The following HSPA8 variants were observed in gnomAD, a reference collection of about 807,000 sequenced individuals.
HSPA8 encodes heat shock cognate 71 kDa protein.
HSPA8 carries 2 observed loss-of-function variants against 52.8 expected under a neutral mutation model. The observed-to-expected ratio is 0.04, with a 90% CI of 0.02 to 0.12. HSPA8 has a LOEUF of 0.12. Ranked by LOEUF, HSPA8 falls within the 10% of genes least tolerant of loss-of-function variation. HSPA8 has a pLI of 1.00. For synonymous variants in HSPA8, 436 were observed against 274.0 expected (o/e 1.59, Z -5.84); for missense variants, 349 against 800.5 (o/e 0.44, Z 6.81).
In HSPA8 at chr11:123,058,238, A is replaced by AAC. The variant is rs1865374505; in HGVS notation, c.1755+13_1755+14insGT. On this transcript the variant is annotated intron_variant, in intron 8 of 8. Coordinates refer to ENST00000534624, the MANE Select transcript of HSPA8 (RefSeq NM_006597.6). ...TTGAGTGGGGGAGGAAAAAAAAAAA[A>AAC]AAAAAACACAAACCTGATTCTTATC... is the stretch of plus-strand genomic sequence containing the variant. The AAC allele has an allele frequency of 7.3e-6, 11 of 1,506,204 alleles. No homozygotes were observed. The highest frequency in any genetic ancestry group is 2.3e-5 in the East Asian group (1 of 44,326). 93.3% of individuals were successfully genotyped at this position (1,506,204 alleles called of 1,614,324 possible).
Position 123,060,110 on chromosome 11 carries a change from ACATACCTTTTTGT to A in HSPA8, c.557_564+5del. ...AATCCGAACTTGCATCACAAATGGT[ACATACCTTTTTGT>A]CTAAGCCGTAAGCAATAGCAGCAGC... On this transcript the variant is annotated splice_donor_variant and splice_donor_5th_base_variant and coding_sequence_variant and intron_variant, in exon 4 of 9. Coordinates refer to ENST00000534624, the MANE Select transcript of HSPA8 (RefSeq NM_006597.6). LOFTEE classifies it high-confidence loss of function. 1 of 1,613,998 alleles carries A rather than the reference ACATACCTTTTTGT, an allele frequency of 6.2e-7. No individual in the cohort carries two copies. The highest frequency in any genetic ancestry group is 2.2e-5 in the East Asian group (1 of 44,894).
chr11:123,061,905 C>T (rs1223081045), intron 1 of HSPA8, 159 bp downstream of exon 1: 1 of 157,338 alleles, frequency 6.4e-6, no homozygotes, highest in Non-Finnish European at 1.4e-5. Flanking sequence ...ATACCGCTGC[C>T]ATCCCACCGA....
chr11:123,061,586 AC>A (rs1865504408), intron 1 of HSPA8: 2 of 525,856 alleles, frequency 3.8e-6, no homozygotes, highest in South Asian at 2.1e-5. Flanking sequence ...ACGTGGTCTT[AC>A]CCCGAACTGA....
At position 123,059,708 on chromosome 11, in the gene HSPA8, G is replaced by A. The variant is rs1432003634; in HGVS notation, c.885C>T (p.Thr295=). The change falls in exon 5 of 9, where the codon ACC becomes ACT. Residue 295 remains threonine, a synonymous_variant. Transcript: ENST00000534624. ...DSLYEGIDFY[T]SITRARFEEL... Reference sequence around the variant, plus strand: ...CTTCAAATCGGGCACGGGTAATGGAGGTATAGAAGTCGATTCCTTCATAGA... The same window carrying A: ...CTTCAAATCGGGCACGGGTAATGGAAGTATAGAAGTCGATTCCTTCATAGA... The A allele has an allele frequency of 1.4e-5, 22 of 1,613,782 alleles. No homozygotes were observed. The highest frequency in any genetic ancestry group is 6.7e-5 in the East Asian group (3 of 44,888).
At chr11:123,061,561 G>C in intron 1 of HSPA8, 3 of 562,674 alleles carry the variant, frequency 5.3e-6, no homozygotes, top group Non-Finnish European at 9.5e-6. Flanking sequence ...CAGACGGCGT[G>C]GGGCGTTGCT....
rs1462198094 is a variant in HSPA8, at chr11:123,059,270, CAAA to C, written c.1121-12_1121-10del. The C allele has an allele frequency of 3.1e-6, 5 of 1,609,556 alleles. No homozygotes were observed. The highest frequency in any genetic ancestry group is 3.4e-5 in the Admixed American group (2 of 59,076). On this transcript the variant is annotated splice_polypyrimidine_tract_variant and intron_variant, in intron 5 of 8. Transcript: ENST00000534624. Reference sequence around the variant, plus strand: ...GATGGCTGCCTGGACAGCTAGCAAACAAAAAGTTAACGTTAAAAGAAGTTAAAA... The same window carrying C: ...GATGGCTGCCTGGACAGCTAGCAAACAAGTTAACGTTAAAAGAAGTTAAAA...
chr11:123,061,036 A>C (rs531573882), intron 2 of HSPA8, 84 bp downstream of exon 2: 27 of 1,256,054 alleles, frequency 2.1e-5, no homozygotes, highest in Non-Finnish European at 3.1e-5. Context: ...TCTAAAATCA[A>C]AAAGTTCCCT....
Position 123,059,877 on chromosome 11 carries a change from T to C in HSPA8, c.716A>G (p.Asn239Ser), listed in dbSNP as rs536669943. ...GGEDFDNRMV[N>S]HFIAEFKRKH... ...GCGCTTAAACTCAGCAATAAAATGG[T>C]TGACCATTCGGTTGTCAAAATCTTC... Residue 239 changes from asparagine to serine, a missense_variant, in exon 5 of 9, where the codon AAC (asparagine) becomes AGC (serine). Physicochemically the swap from Asn to Ser is conservative, Grantham distance 46. Transcript: ENST00000534624. 4 of 1,613,420 alleles carry C rather than the reference T, an allele frequency of 2.5e-6. No individual in the cohort carries two copies. Among genetic ancestry groups the C allele is most frequent in the Admixed American group, 1.7e-5 (1 of 59,984 alleles).
intron 6 of HSPA8, 33 bp downstream of exon 6, chr11:123,059,019 TGTTATCA>T (rs1565367406): frequency 6.4e-7 from 1 of 1,551,906 alleles, no homozygotes; most frequent in Non-Finnish European, 8.9e-7. Flanking sequence ...TCCCTTTATC[TGTTATCA>T]GTAAGCCAAA....
chr11:123,061,572 C>T, intron 1 of HSPA8: 1 of 550,468 alleles, frequency 1.8e-6, no homozygotes, highest in Non-Finnish European at 3.3e-6. Flanking sequence ...GGGCGTTGCT[C>T]AACACGTGGT....
intron 4 of HSPA8, 36 bp from the exon 5 acceptor site, chr11:123,060,064 G>T: frequency 6.2e-7 from 1 of 1,613,862 alleles, no homozygotes; most frequent in Non-Finnish European, 8.5e-7. Context: ...AATTTACGAT[G>T]GATCAAATTA....
rs910293384 is a variant in HSPA8, at chr11:123,060,879, T to C, written c.206-81A>G. On this transcript the variant is annotated intron_variant, in intron 2 of 8. Transcript: ENST00000534624. ...TCAAGTCCATGATTACTCAAATACCTAACAGTTCATAGGTAGGTGAATTCA... is the reference window on the plus strand; with the variant it reads ...TCAAGTCCATGATTACTCAAATACCCAACAGTTCATAGGTAGGTGAATTCA... 11 of 1,269,568 alleles carry C rather than the reference T, an allele frequency of 8.7e-6. No homozygotes were observed. In the African/African-American group the frequency reaches 1.3e-4, roughly 15 times the overall value. 78.6% of individuals were successfully genotyped at this position (1,269,568 alleles called of 1,614,324 possible).
At chr11:123,060,505 C>T (rs1461497) in intron 3 of HSPA8, 88 bp downstream of exon 3, 193,371 of 1,067,168 alleles carry the variant, frequency 0.18, 19,980 homozygotes, top group African/African-American at 0.4. Context: ...CCATCTGTTC[C>T]CCTCCCTCGC....
intron 1 of HSPA8, chr11:123,061,596 G>T: frequency 2.0e-6 from 1 of 507,352 alleles, no homozygotes; most frequent in Non-Finnish European, 3.6e-6. Context: ...ACCCCGAACT[G>T]AGCACTGTCT....
rs1865483072 is a variant in HSPA8 at position 123,061,016 on chromosome 11, G to A, written c.205+104C>T. 3 of 1,026,746 alleles carry A rather than the reference G, an allele frequency of 2.9e-6. No homozygotes were observed. The South Asian group carries it at 4.2e-5, about 15-fold the overall frequency. The allele number at this position is 1,026,746 out of a possible 1,614,324, so 63.6% of individuals were successfully genotyped here. A position where few individuals can be genotyped will look rare whatever the true frequency, so the allele number is the denominator to read the frequency against. ...AACAGACTTGATAACAAGTCTCTCAGCTCAGTTTTTCTAAAATCAAAAAGT... is the reference window on the plus strand; with the variant it reads ...AACAGACTTGATAACAAGTCTCTCAACTCAGTTTTTCTAAAATCAAAAAGT... On this transcript the variant is annotated intron_variant, in intron 2 of 8. Coordinates refer to ENST00000534624, the MANE Select transcript of HSPA8 (RefSeq NM_006597.6).
chr11:123,059,272 A>G lies in HSPA8; in HGVS notation c.1121-11T>C. On this transcript the variant is annotated splice_polypyrimidine_tract_variant and intron_variant, in intron 5 of 8. Transcript: ENST00000534624. The stretch of plus-strand genomic sequence containing the variant: ...TGGCTGCCTGGACAGCTAGCAAACA[A>G]AAAGTTAACGTTAAAAGAAGTTAAA... 6.2e-7 allele frequency: 1 copy of G among 1,608,814 alleles called. No homozygotes were observed. The highest frequency in any genetic ancestry group is 1.7e-5 in the Admixed American group (1 of 59,158).
chr11:123,062,316 A>G, upstream of HSPA8: 1 of 151,712 alleles, frequency 6.6e-6, no homozygotes, highest in Non-Finnish European at 1.5e-5. Context: ...CACCCACCCC[A>G]CCGCGCTCCG....
Position 123,057,667 on chromosome 11 carries a change from G to A in HSPA8, c.*67C>T, listed in dbSNP as rs964183600. The A allele has an allele frequency of 5.4e-5, 71 of 1,313,202 alleles. No individual in the cohort carries two copies. Among genetic ancestry groups the A allele is most frequent in the Non-Finnish European group, 7.1e-5 (68 of 954,090 alleles). The allele number at this position is 1,313,202 out of a possible 1,614,324, so 81.3% of individuals were successfully genotyped here. A position where few individuals can be genotyped will look rare whatever the true frequency, so the allele number is the denominator to read the frequency against. ...ACTTTTTAAAACTGCCACAGAATTT[G>A]CTACGAATTTAGGTCCTTCAAATGT... On this transcript the variant is annotated 3_prime_UTR_variant, in exon 9 of 9. Transcript: ENST00000534624.
At chr11:123,058,118 T>C in intron 8 of HSPA8, 134 bp downstream of exon 8, 1 of 735,340 alleles carries the variant, frequency 1.4e-6, no homozygotes, top group Non-Finnish European at 2.2e-6. Context: ...ACACCTTGAA[T>C]TCTGGTGGAA....
Sources: gnomAD v4.1 joint callset for allele counts on GRCh38, gnomAD v4.1.1 for gene constraint, MANE v1.5 for transcripts, NCBI Gene and HGNC (gene_info 2026-07-23, HGNC 2026-07-21) for gene names.